SUMF1: variants seen among roughly 807,000 people sequenced by gnomAD.
SUMF1 encodes the protein formylglycine-generating enzyme.
In SUMF1, 48 loss-of-function variants were observed where a neutral mutation model predicts 47.6. The observed-to-expected ratio is 1.01, with a 90% CI of 0.80 to 1.28. The LOEUF is 1.28. Among genes scored for constraint, SUMF1 ranks in the 50% most tolerant of loss-of-function variants. The pLI, the probability that SUMF1 is intolerant of heterozygous loss-of-function variation, is 0.00. For missense variants in SUMF1, 571 were observed against 485.4 expected, an observed-to-expected ratio of 1.18 and a Z score of -1.66; for synonymous variants, 230 against 192.1, an observed-to-expected ratio of 1.20 and a Z score of -1.63.
chr3:4,312,953 C>A (rs1208865093), intron 8 of SUMF1: 1 of 1,613,858 alleles, frequency 6.2e-7, no homozygotes, highest in Non-Finnish European at 8.5e-7. Flanking sequence ...ACTCAAATAA[C>A]CTTTCCCGGA....
intron 8 of SUMF1, among the ~76,000 whole-genome samples, chr3:4,195,085 T>C (rs1375719631): frequency 6.6e-6 from 1 of 152,146 alleles, no homozygotes; most frequent in African/African-American, 2.4e-5. Context: ...TTTACTCAAG[T>C]GCTTATCTGT....
At chr3:4,200,879 T>A (rs1695526198) in intron 8 of SUMF1, among the ~76,000 whole-genome samples, 1 of 152,172 alleles carries the variant, frequency 6.6e-6, no homozygotes, top group Admixed American at 6.6e-5. Flanking sequence ...ATTTCTAGAC[T>A]ATCCTGTTCC....
intron 8 of SUMF1, among the ~76,000 whole-genome samples, chr3:4,118,307 G>T (rs763052497): frequency 6.6e-6 from 1 of 151,734 alleles, no homozygotes; most frequent in African/African-American, 2.4e-5. Context: ...TCATGAAGAT[G>T]TAAGTGTCAT....
chr3:4,445,431 G>A (rs1702747562), intron 3 of SUMF1, among the ~76,000 whole-genome samples: 1 of 152,116 alleles, frequency 6.6e-6, no homozygotes. Context: ...TCGAACTCCT[G>A]GGCTCAAGTG....
intron 1 of SUMF1, among the ~76,000 whole-genome samples, chr3:4,466,514 G>A (rs1213834056): frequency 1.3e-5 from 2 of 152,130 alleles, no homozygotes; most frequent in Non-Finnish European, 2.9e-5. Flanking sequence ...CCCTTCCTAA[G>A]TGCTAAAGTG....
In SUMF1 at chr3:4,098,835, C is replaced by A. The variant is rs560150604; in HGVS notation, c.1015-30090G>T. Among the ~76,000 whole-genome samples the A allele has an allele frequency of 5.7e-4, 87 of 152,232 alleles. 1 individual carries two copies. Among genetic ancestry groups the A allele is most frequent in the African/African-American group, 2.0e-3 (84 of 41,540 alleles). Reference sequence around the variant, plus strand: ...GAAAACCATAGAGTTAACTTACTTCCATTCACAGGCCTGAGAGGAAGCCAC... The same window carrying A: ...GAAAACCATAGAGTTAACTTACTTCAATTCACAGGCCTGAGAGGAAGCCAC... On this transcript the variant is annotated intron_variant and NMD_transcript_variant, in intron 8 of 12. Transcript: ENST00000448413.
At chr3:4,133,972 C>T (rs769418418) in intron 8 of SUMF1, among the ~76,000 whole-genome samples, 1 of 151,898 alleles carries the variant, frequency 6.6e-6, no homozygotes, top group Non-Finnish European at 1.5e-5. Flanking sequence ...CTCCTAAATT[C>T]CAATGACTCT....
intron 8 of SUMF1, among the ~76,000 whole-genome samples, chr3:4,266,380 T>C (rs934262946): frequency 2.0e-5 from 3 of 152,204 alleles, no homozygotes; most frequent in African/African-American, 4.8e-5. Flanking sequence ...TGTTCTTCCA[T>C]TTGTTTGTAT....
chr3:4,198,302 T>C (rs1219057186), intron 8 of SUMF1, among the ~76,000 whole-genome samples: 1 of 152,094 alleles, frequency 6.6e-6, no homozygotes, highest in Non-Finnish European at 1.5e-5. Context: ...TCTCCTGCCA[T>C]GTCTAAGTGT....
intron 8 of SUMF1, among the ~76,000 whole-genome samples, chr3:4,349,513 T>C (rs1435834145): frequency 6.6e-6 from 1 of 152,232 alleles, no homozygotes; most frequent in African/African-American, 2.4e-5. Flanking sequence ...TAAATCATTC[T>C]ACTATAAAGA....
At position 4,313,269 on chromosome 3, in the gene SUMF1, T is replaced by A. The variant is rs200363782; in HGVS notation, c.1014+63061A>T. The A allele has an allele frequency of 7.4e-6, 12 of 1,613,980 alleles. No homozygotes were observed. In the East Asian group the frequency reaches 2.7e-4, roughly 36 times the overall value. On this transcript the variant is annotated intron_variant and NMD_transcript_variant, in intron 8 of 12. Coordinates refer to the SUMF1 transcript ENST00000448413. The stretch of plus-strand genomic sequence containing the variant: ...ATGCTGGTGAGGTTTTAGGATTCTC[T>A]GAAGTTCAGAGAAGAATTCACTTAC...
intron 8 of SUMF1, among the ~76,000 whole-genome samples, chr3:4,077,770 C>G (rs1279576003): frequency 6.6e-6 from 1 of 151,812 alleles, no homozygotes; most frequent in Non-Finnish European, 1.5e-5. Context: ...CAAACCTGCA[C>G]GTTGTGCACA....
intron 8 of SUMF1, among the ~76,000 whole-genome samples, chr3:4,302,566 A>T (rs987953188): frequency 6.6e-6 from 1 of 152,148 alleles, no homozygotes; most frequent in Non-Finnish European, 1.5e-5. Context: ...TCCAAAAGGA[A>T]GAAGGGCATA....
Position 4,219,089 on chromosome 3 carries a change from C to A in SUMF1, c.1015-150344G>T, listed in dbSNP as rs111833808. On this transcript the variant is annotated intron_variant and NMD_transcript_variant, in intron 8 of 12. Coordinates refer to the SUMF1 transcript ENST00000448413. ...AGCAGGATTAATGTCAACACACACT[C>A]CCCCATACCACCCCCACACAGGCTT... Among the ~76,000 whole-genome samples, 92 of 152,228 alleles carry A rather than the reference C, an allele frequency of 6.0e-4. 3 individuals carry two copies. The highest frequency in any genetic ancestry group is 2.2e-3 in the African/African-American group (91 of 41,548).
chr3:4,041,541 A>T (rs551821256), intron 9 of SUMF1, among the ~76,000 whole-genome samples: 8 of 152,228 alleles, frequency 5.3e-5, no homozygotes, highest in Non-Finnish European at 1.0e-4. Context: ...TAAAAGCAGC[A>T]GATGGTAAAA....
At chr3:4,183,483 T>C in intron 8 of SUMF1, among the ~76,000 whole-genome samples, 1 of 152,188 alleles carries the variant, frequency 6.6e-6, no homozygotes, top group Admixed American at 6.6e-5. Context: ...ACTAATAATT[T>C]GGAGACAGGA....
intron 8 of SUMF1, among the ~76,000 whole-genome samples, chr3:4,099,711 A>C (rs890919267): frequency 1.6e-4 from 24 of 152,134 alleles, no homozygotes; most frequent in African/African-American, 5.3e-4. Flanking sequence ...GAAAATCCTA[A>C]AGACTCCACA....
intron 8 of SUMF1, among the ~76,000 whole-genome samples, chr3:4,344,919 G>A (rs985295178): frequency 6.6e-6 from 1 of 152,104 alleles, no homozygotes; most frequent in South Asian, 2.1e-4. Context: ...ACAGCAAGCG[G>A]AAGAAAGGAT....
intron 8 of SUMF1, among the ~76,000 whole-genome samples, chr3:4,193,572 C>T (rs1254213423): frequency 1.3e-5 from 2 of 152,044 alleles, no homozygotes. Flanking sequence ...AATTGTATTA[C>T]AGCATTATGG....
Sources: gnomAD v4.1 joint callset for allele counts (sites outside exome capture counted in the v4.1 genomes callset) on GRCh38, gnomAD v4.1.1 for gene constraint, MANE v1.5 for transcripts, NCBI Gene and HGNC (gene_info 2026-07-23, HGNC 2026-07-21) for gene names.